The following NF1 variants were observed in gnomAD, a reference collection of about 807,000 sequenced individuals.
The protein encoded by NF1 is neurofibromin 1, also known as neurofibromin.
NF1 carries 122 observed loss-of-function variants against 325.7 expected under a neutral mutation model. That is an observed-to-expected ratio of 0.37 (90% CI 0.32 to 0.44). The LOEUF is 0.44. Among genes scored for constraint, NF1 ranks in the 20% least tolerant of loss-of-function variants. NF1 has a pLI of 1.00. For missense variants in NF1, 2,140 were observed against 3,415.4 expected, an observed-to-expected ratio of 0.63 and a Z score of 9.31; for synonymous variants, 1,091 against 1,186.0, an observed-to-expected ratio of 0.92 and a Z score of 1.65.
intron 7 of NF1, among the ~76,000 whole-genome samples, chr17:31,182,240 A>C (rs1170218651): frequency 6.6e-6 from 1 of 152,216 alleles, no homozygotes; most frequent in Non-Finnish European, 1.5e-5. Context: ...ACTTTGCATA[A>C]GGCCCTTCAC....
Position 31,170,379 on chromosome 17 carries a change from A to G in NF1, c.586+382A>G, listed in dbSNP as rs557128510. Among the ~76,000 whole-genome samples the G allele has an allele frequency of 2.6e-5, 4 of 152,338 alleles. No homozygotes were observed. In the East Asian group the frequency reaches 7.7e-4, roughly 29 times the overall value. On this transcript the variant is annotated intron_variant, in intron 5 of 57. Coordinates refer to ENST00000358273, the MANE Select transcript of NF1 (RefSeq NM_001042492.3). ...AAAGATTGTCTGTAGTAGGATATCA[A>G]AGTTTTATTGCAGAATGGAACGAGG... is the stretch of plus-strand genomic sequence containing the variant.
intron 33 of NF1, among the ~76,000 whole-genome samples, chr17:31,259,549 G>A (rs1405571493): frequency 6.6e-6 from 1 of 152,112 alleles, no homozygotes; most frequent in African/African-American, 2.4e-5. Flanking sequence ...AAACTAAAAT[G>A]TTATTCTTTA....
intron 36 of NF1, among the ~76,000 whole-genome samples, chr17:31,276,560 C>T (rs1223702533): frequency 2.0e-5 from 3 of 152,184 alleles, no homozygotes; most frequent in Non-Finnish European, 4.4e-5. Context: ...TTATTTGGTG[C>T]AAATGCCTTA....
At position 31,338,156 on chromosome 17, in the gene NF1, C is replaced by T. The variant is rs1567618002; in HGVS notation, c.6819+17C>T. ...CTTAGCAAGGTACCTGTTCCGCCCT[C>T]ACTTCTCCCAAATATTTATGGTTCT... On this transcript the variant is annotated intron_variant, in intron 45 of 57. Coordinates refer to ENST00000358273, the MANE Select transcript of NF1 (RefSeq NM_001042492.3). The T allele has an allele frequency of 6.6e-7, 1 of 1,508,872 alleles. No individual in the cohort carries two copies. The highest frequency in any genetic ancestry group is 9.2e-7 in the Non-Finnish European group (1 of 1,084,116). 93.5% of individuals were successfully genotyped at this position (1,508,872 alleles called of 1,614,324 possible).
intron 36 of NF1, among the ~76,000 whole-genome samples, chr17:31,272,944 A>G (rs768369692): frequency 1.3e-4 from 20 of 152,092 alleles, no homozygotes; most frequent in Admixed American, 1.2e-3. Context: ...CACAAGACCT[A>G]TTTTCTATTG....
chr17:31,103,977 C>T (rs1272162677), intron 1 of NF1, among the ~76,000 whole-genome samples: 2 of 152,008 alleles, frequency 1.3e-5, no homozygotes, highest in African/African-American at 4.8e-5. Flanking sequence ...GGCATGATTG[C>T]ACCACTGCAC....
At chr17:31,128,364 A>G (rs1184344163) in intron 1 of NF1, 2 of 151,278 alleles carry the variant, frequency 1.3e-5, no homozygotes, top group Non-Finnish European at 2.9e-5. Context: ...TTGTGTCATC[A>G]TGTTGTTAGC....
intron 1 of NF1, among the ~76,000 whole-genome samples, chr17:31,127,198 T>C (rs1914956745): frequency 6.6e-6 from 1 of 152,112 alleles, no homozygotes; most frequent in South Asian, 2.1e-4. Context: ...GGTTGCTTTA[T>C]AATAATTCTT....
At chr17:31,289,228 TTTTG>T (rs756853062) in intron 36 of NF1, among the ~76,000 whole-genome samples, 2 of 152,108 alleles carry the variant, frequency 1.3e-5, no homozygotes, top group East Asian at 1.9e-4. Flanking sequence ...ACAGAGGATA[TTTTG>T]TTTGTTTGAA....
chr17:31,179,356 A>G (rs1486013630), intron 5 of NF1, among the ~76,000 whole-genome samples: 2 of 152,358 alleles, frequency 1.3e-5, no homozygotes, highest in East Asian at 3.9e-4. Context: ...GGATACATTT[A>G]TAGCAGTGTG....
At chr17:31,198,429 T>TAG in intron 8 of NF1, among the ~76,000 whole-genome samples, 1 of 152,338 alleles carries the variant, frequency 6.6e-6, no homozygotes, top group East Asian at 1.9e-4. Context: ...GATTAATCCC[T>TAG]TTACTAGTTA....
rs752850053 is a variant in NF1 at position 31,233,056 on chromosome 17, C to G, written c.3551C>G (p.Thr1184Arg). The part of the protein sequence containing the change: ...QTRATFMEVL[T>R]KILQQGTEFD... ...AGAGCTACATTTATGGAAGTTCTGA[C>G]AAAAATCCTTCAACAAGGCACAGAA... The change falls in exon 27 of 58, where the codon ACA becomes AGA. Residue 1184 changes from threonine (T) to arginine (R), a missense_variant. Physicochemically the swap from Thr to Arg is moderately conservative, Grantham distance 71. This residue lies in a region of NF1 where 336 missense variants were observed against 399.0 expected (regional missense o/e 0.84). Coordinates refer to ENST00000358273, the MANE Select transcript of NF1 (RefSeq NM_001042492.3). The G allele has an allele frequency of 6.2e-7, 1 of 1,614,168 alleles. No homozygotes were observed. The highest frequency in any genetic ancestry group is 1.3e-5 in the African/African-American group (1 of 75,036).
At chr17:31,148,768 AAAT>A (rs1567811103) in intron 1 of NF1, among the ~76,000 whole-genome samples, 1 of 152,154 alleles carries the variant, frequency 6.6e-6, no homozygotes, top group Admixed American at 6.5e-5. Context: ...TTATACCATT[AAAT>A]AATTAGATAC....
chr17:31,343,191 A>T, intron 48 of NF1, 56 bp downstream of exon 48: 1 of 1,465,706 alleles, frequency 6.8e-7, no homozygotes, highest in African/African-American at 1.4e-5. Context: ...AACCAGAAGT[A>T]ATTTGAATAA....
At chr17:31,228,893 TG>T in intron 20 of NF1, 131 bp from the exon 21 acceptor site, 1 of 674,382 alleles carries the variant, frequency 1.5e-6, no homozygotes, top group Non-Finnish European at 2.5e-6. Flanking sequence ...GGTAATTTTA[TG>T]GGTTGATTTT....
chr17:31,324,067 GT>G (rs916554415), intron 36 of NF1, among the ~76,000 whole-genome samples: 1 of 151,416 alleles, frequency 6.6e-6, no homozygotes, highest in East Asian at 1.9e-4. Flanking sequence ...GATTTTTTTG[GT>G]TTTTTTTGTT....
At chr17:31,337,297 A>G in intron 42 of NF1, 71 bp from the exon 43 acceptor site, 1 of 1,286,304 alleles carries the variant, frequency 7.8e-7, no homozygotes, top group Admixed American at 2.0e-5. Flanking sequence ...TAAATTCAAA[A>G]TGAAACATGG....
At chr17:31,260,616 G>C (rs2067668704) in intron 34 of NF1, 101 bp downstream of exon 34, 1 of 1,333,962 alleles carries the variant, frequency 7.5e-7, no homozygotes, top group East Asian at 2.3e-5. Context: ...GCATCTTCTT[G>C]GACTAAGAAT....
chr17:31,304,086 TAAATAACTTTTTTTA>T lies in NF1; in HGVS notation c.4836-21730_4836-21716del, dbSNP rs535624758. The T allele has an allele frequency of 8.3e-4, 458 of 554,632 alleles. 7 individuals carry two copies. The South Asian group carries it at 0.012, about 15-fold the overall frequency. 34.4% of individuals were successfully genotyped at this position (554,632 alleles called of 1,614,324 possible). On this transcript the variant is annotated intron_variant, in intron 36 of 57. Coordinates refer to ENST00000358273, the MANE Select transcript of NF1 (RefSeq NM_001042492.3). ...CTATAATTAGTAAATAGATTACTGT[TAAATAACTTTTTTTA>T]AAAAAAAGTTTCATCTATGCACATA...
Sources: gnomAD v4.1 joint callset for allele counts (sites outside exome capture counted in the v4.1 genomes callset) on GRCh38, gnomAD v4.1.1 for gene constraint, gnomAD v4.1.1 regional missense constraint, MANE v1.5 for transcripts, NCBI Gene and HGNC (gene_info 2026-07-23, HGNC 2026-07-21) for gene names.